The following SLC24A2 variants were observed in gnomAD, a reference collection of about 807,000 sequenced individuals.
SLC24A2 encodes sodium/potassium/calcium exchanger 2.
A neutral mutation model predicts 62.0 loss-of-function variants in SLC24A2; 36 were observed. That is an observed-to-expected ratio of 0.58 (90% CI 0.44 to 0.77). The LOEUF (loss-of-function observed/expected upper bound fraction) is 0.77, where lower values mean the gene tolerates loss of function less well. Ranked by LOEUF, SLC24A2 falls within the 30% of genes least tolerant of loss-of-function variation. The probability of loss-of-function intolerance (pLI) is 0.00; values close to 1 mark genes in which losing one functional copy is unlikely to be tolerated. For missense variants in SLC24A2, 846 were observed against 817.9 expected (o/e 1.03, Z -0.42); for synonymous variants, 358 against 294.0 (o/e 1.22, Z -2.23).
At chr9:19,575,826 T>C (rs1383140791) in intron 6 of SLC24A2, among the ~76,000 whole-genome samples, 2 of 152,182 alleles carry the variant, frequency 1.3e-5, no homozygotes, top group East Asian at 1.9e-4. Flanking sequence ...GCAGAAAAAA[T>C]AGCTTGTGTA....
At chr9:19,742,115 A>G (rs1315025125) in intron 2 of SLC24A2, among the ~76,000 whole-genome samples, 1 of 152,212 alleles carries the variant, frequency 6.6e-6, no homozygotes, top group Non-Finnish European at 1.5e-5. Flanking sequence ...AAAAAGCCAA[A>G]TTCTATCTCA....
At chr9:20,062,898 C>G in the SLC24A2 span, among the ~76,000 whole-genome samples, 3 of 118,112 alleles carry the variant, frequency 2.5e-5, 1 homozygote, top group African/African-American at 7.2e-5. Context: ...AATATGCTCA[C>G]CATCACTGGC....
chr9:19,687,584 C>T (rs550230748), intron 2 of SLC24A2, among the ~76,000 whole-genome samples: 8 of 152,156 alleles, frequency 5.3e-5, no homozygotes, highest in South Asian at 2.1e-4. Context: ...ATGTGTTCCA[C>T]GCCGTGTTTC....
the SLC24A2 span, among the ~76,000 whole-genome samples, chr9:19,832,376 T>C: frequency 6.6e-6 from 1 of 152,240 alleles, no homozygotes. Context: ...AAGCCAGATA[T>C]GAGTCATTTA....
At chr9:19,803,491 T>C in the SLC24A2 span, among the ~76,000 whole-genome samples, 1 of 152,208 alleles carries the variant, frequency 6.6e-6, no homozygotes, top group Non-Finnish European at 1.5e-5. Context: ...TGTACCAGTG[T>C]AACGTTAGGG....
At chr9:19,569,653 C>T (rs751243739) in intron 7 of SLC24A2, among the ~76,000 whole-genome samples, 20 of 152,110 alleles carry the variant, frequency 1.3e-4, no homozygotes, top group African/African-American at 3.9e-4. Flanking sequence ...GACACCGTGG[C>T]GCCAGGGATC....
chr9:20,077,477 C>A, the SLC24A2 span, among the ~76,000 whole-genome samples: 1 of 151,958 alleles, frequency 6.6e-6, no homozygotes, highest in East Asian at 1.9e-4. Context: ...ATTCCAGAGG[C>A]AGTTGTGTTC....
the SLC24A2 span, among the ~76,000 whole-genome samples, chr9:20,036,491 C>T: frequency 0.12 from 17,600 of 152,072 alleles, 1,016 homozygotes; most frequent in East Asian, 0.18. Flanking sequence ...CTTCCCATTC[C>T]CCCCCACTAC....
chr9:19,642,986 CTTTTTT>C (rs71335441), intron 2 of SLC24A2, among the ~76,000 whole-genome samples: 2 of 125,322 alleles, frequency 1.6e-5, no homozygotes, highest in African/African-American at 3.0e-5. Flanking sequence ...GGCCAGTATT[CTTTTTT>C]TTTTTTTTTT....
chr9:19,703,400 A>C (rs1054423160), intron 2 of SLC24A2, among the ~76,000 whole-genome samples: 3 of 152,194 alleles, frequency 2.0e-5, no homozygotes, highest in Non-Finnish European at 2.9e-5. Context: ...GAGGGGTTGC[A>C]GAGGGCTTAG....
At chr9:19,993,036 G>C in the SLC24A2 span, among the ~76,000 whole-genome samples, 28 of 152,094 alleles carry the variant, frequency 1.8e-4, no homozygotes, top group Non-Finnish European at 4.1e-4. Flanking sequence ...TTAACCCATA[G>C]AGAGAAGTGC....
At chr9:20,215,033 T>A in the SLC24A2 span, among the ~76,000 whole-genome samples, 2 of 152,316 alleles carry the variant, frequency 1.3e-5, no homozygotes, top group Middle Eastern at 6.8e-3. Context: ...TACCATAGAC[T>A]AGATGGCCTA....
intron 2 of SLC24A2, among the ~76,000 whole-genome samples, chr9:19,724,505 T>C (rs1329344471): frequency 3.8e-4 from 58 of 152,228 alleles, no homozygotes; most frequent in Non-Finnish European, 1.5e-5. Flanking sequence ...ACATGCCTTT[T>C]GCCTTTTTTG....
At chr9:20,102,558 G>C in the SLC24A2 span, among the ~76,000 whole-genome samples, 1 of 151,808 alleles carries the variant, frequency 6.6e-6, no homozygotes, top group Middle Eastern at 3.4e-3. Context: ...CGGGTTGATG[G>C]GTGCAGCAAA....
the SLC24A2 span, among the ~76,000 whole-genome samples, chr9:20,246,878 T>C: frequency 1.3e-5 from 2 of 152,182 alleles, no homozygotes; most frequent in Admixed American, 6.5e-5. Context: ...CACCACCCTA[T>C]CTCCACTGCC....
chr9:19,931,668 T>G, the SLC24A2 span, among the ~76,000 whole-genome samples: 1 of 152,208 alleles, frequency 6.6e-6, no homozygotes, highest in Middle Eastern at 3.4e-3. Flanking sequence ...AACATTTTGG[T>G]TTGCCCAGGA....
At chr9:19,898,314 A>T in the SLC24A2 span, among the ~76,000 whole-genome samples, 3 of 152,208 alleles carry the variant, frequency 2.0e-5, no homozygotes, top group African/African-American at 7.2e-5. Flanking sequence ...AAACTCAACC[A>T]CTGGACAAAG....
the SLC24A2 span, among the ~76,000 whole-genome samples, chr9:20,084,646 C>G: frequency 1.3e-5 from 2 of 152,114 alleles, no homozygotes; most frequent in African/African-American, 2.4e-5. Context: ...TTGCTGGAGG[C>G]TGACCATGAA....
chr9:20,235,407 A>G, the SLC24A2 span, among the ~76,000 whole-genome samples: 1 of 152,160 alleles, frequency 6.6e-6, no homozygotes, highest in South Asian at 2.1e-4. Flanking sequence ...TGTTTCCCTA[A>G]TCAAACAGCT....
Sources: allele counts gnomAD v4.1 joint callset (sites outside exome capture counted in the v4.1 genomes callset), GRCh38; gene constraint gnomAD v4.1.1; transcripts MANE v1.5; gene names NCBI Gene and HGNC (gene_info 2026-07-23, HGNC 2026-07-21).